HTR4: variants seen among roughly 807,000 people sequenced by gnomAD.
HTR4 encodes the protein 5-hydroxytryptamine receptor 4.
In HTR4, 16 loss-of-function variants were observed where a neutral mutation model predicts 36.8. The observed-to-expected ratio is 0.43, with a 90% CI of 0.29 to 0.66. HTR4 has a LOEUF of 0.66. Ranked by LOEUF, HTR4 falls within the 30% of genes least tolerant of loss-of-function variation. The pLI, the probability that HTR4 is intolerant of heterozygous loss-of-function variation, is 0.13. For synonymous variants in HTR4, 189 were observed against 185.1 expected (o/e 1.02, Z -0.17); for missense variants, 438 against 490.9 (o/e 0.89, Z 1.02).
intron 6 of HTR4, among the ~76,000 whole-genome samples, chr5:148,497,489 T>C (rs1756739554): frequency 6.6e-6 from 1 of 152,226 alleles, no homozygotes; most frequent in African/African-American, 2.4e-5. Context: ...TTCTGTTCTT[T>C]GGATTTTGTA....
chr5:148,461,152 T>C (rs1312369762), intron 5 of HTR4, among the ~76,000 whole-genome samples: 1 of 151,462 alleles, frequency 6.6e-6, no homozygotes, highest in Non-Finnish European at 1.5e-5. Context: ...AGATAGAAAA[T>C]AGAATAATAT....
intron 2 of HTR4, among the ~76,000 whole-genome samples, chr5:148,566,230 G>A (rs908857170): frequency 3.3e-5 from 5 of 152,098 alleles, no homozygotes; most frequent in Non-Finnish European, 7.4e-5. Context: ...TTAAAAGCAG[G>A]TATAAAACAG....
chr5:148,608,587 T>C (rs1752279474), intron 2 of HTR4, among the ~76,000 whole-genome samples: 1 of 152,126 alleles, frequency 6.6e-6, no homozygotes, highest in African/African-American at 2.4e-5. Context: ...TTAACAGCCA[T>C]GTTAAAAAGT....
chr5:148,633,785 C>T (rs1753419338), intron 2 of HTR4, among the ~76,000 whole-genome samples: 1 of 152,100 alleles, frequency 6.6e-6, no homozygotes, highest in South Asian at 2.1e-4. Flanking sequence ...AGGCAATCTA[C>T]TGACAATTTC....
chr5:148,549,338 T>C (rs1472490315), intron 3 of HTR4, among the ~76,000 whole-genome samples: 1 of 152,208 alleles, frequency 6.6e-6, no homozygotes, highest in East Asian at 1.9e-4. Flanking sequence ...ACTAGCAGAC[T>C]GGCTACTGTG....
Position 148,468,061 on chromosome 5 carries a change from CT to C in HTR4, c.1077-16790del, listed in dbSNP as rs548539053. ...TGTTTGGTACAGGTAGGGCCTTAGCCTGTCAGCCTGGGATAGAGCTGAGGTA... is the reference window on the plus strand; with the variant it reads ...TGTTTGGTACAGGTAGGGCCTTAGCCGTCAGCCTGGGATAGAGCTGAGGTA... On this transcript the variant is annotated intron_variant, in intron 5 of 5. Transcript: ENST00000521530. 5.3e-5 allele frequency among the ~76,000 whole-genome samples: 8 copies of C among 152,308 alleles called. No individual in the cohort carries two copies. The South Asian group carries it at 1.7e-3, about 32-fold the overall frequency.
At chr5:148,536,896 C>A (rs1758849954) in intron 4 of HTR4, among the ~76,000 whole-genome samples, 1 of 152,162 alleles carries the variant, frequency 6.6e-6, no homozygotes, top group South Asian at 2.1e-4. Flanking sequence ...ACCTGATAGA[C>A]TTCTACAGAA....
downstream of HTR4, among the ~76,000 whole-genome samples, chr5:148,473,257 G>A (rs188278800): frequency 3.9e-4 from 58 of 149,004 alleles, no homozygotes; most frequent in African/African-American, 1.2e-3. Flanking sequence ...AGCCGAGATC[G>A]CGCCACTGCA....
At chr5:148,501,216 A>G (rs919487255) in intron 6 of HTR4, among the ~76,000 whole-genome samples, 1 of 152,192 alleles carries the variant, frequency 6.6e-6, no homozygotes, top group African/African-American at 2.4e-5. Context: ...AAGATCTTCA[A>G]AATGTATTGT....
intron 5 of HTR4, among the ~76,000 whole-genome samples, chr5:148,468,740 T>TC (rs1755495841): frequency 6.6e-6 from 1 of 152,088 alleles, no homozygotes; most frequent in African/African-American, 2.4e-5. Flanking sequence ...GCTGGCTGTG[T>TC]CCCCTCCCAA....
intron 1 of HTR4, among the ~76,000 whole-genome samples, chr5:148,648,224 G>A (rs1236688462): frequency 6.6e-6 from 1 of 152,174 alleles, no homozygotes; most frequent in Non-Finnish European, 1.5e-5. Context: ...AGTTAAATGA[G>A]ACACAGAGCT....
intron 2 of HTR4, among the ~76,000 whole-genome samples, chr5:148,584,091 C>T (rs1004709818): frequency 6.6e-6 from 1 of 152,206 alleles, no homozygotes; most frequent in Admixed American, 6.5e-5. Context: ...CTCAAAAGCT[C>T]TCTCAATTCT....
chr5:148,653,473 A>G (rs1322357762), intron 1 of HTR4, among the ~76,000 whole-genome samples: 2 of 152,194 alleles, frequency 1.3e-5, no homozygotes, highest in Non-Finnish European at 2.9e-5. Context: ...GTGAAAGGCA[A>G]CTGCAGGATG....
chr5:148,570,675 T>C (rs978988041), intron 2 of HTR4, among the ~76,000 whole-genome samples: 2 of 151,510 alleles, frequency 1.3e-5, no homozygotes, highest in African/African-American at 4.9e-5. Flanking sequence ...CAGGAGGGGG[T>C]TGGAAGTTGT....
intron 2 of HTR4, among the ~76,000 whole-genome samples, chr5:148,626,776 A>AT (rs1251359027): frequency 1.3e-5 from 2 of 152,220 alleles, no homozygotes; most frequent in African/African-American, 4.8e-5. Context: ...GGTGGTCTAG[A>AT]AATTGGGAGT....
chr5:148,647,581 G>T (rs940387143), intron 1 of HTR4, among the ~76,000 whole-genome samples: 12 of 152,286 alleles, frequency 7.9e-5, no homozygotes, highest in Non-Finnish European at 1.5e-4. Flanking sequence ...GGGGGTGGTG[G>T]CTCACGCCTG....
At chr5:148,558,015 T>G (rs1760031883) in intron 2 of HTR4, among the ~76,000 whole-genome samples, 1 of 151,978 alleles carries the variant, frequency 6.6e-6, no homozygotes. Flanking sequence ...AGGAGTGTCA[T>G]GTACACAAGA....
At chr5:148,643,195 A>G (rs962584104) in intron 1 of HTR4, among the ~76,000 whole-genome samples, 3 of 152,312 alleles carry the variant, frequency 2.0e-5, no homozygotes, top group African/African-American at 7.2e-5. Context: ...AAAAGTAAAT[A>G]CACTTTTCTC....
intron 5 of HTR4, among the ~76,000 whole-genome samples, chr5:148,520,461 C>G (rs1269180933): frequency 6.6e-6 from 1 of 152,116 alleles, no homozygotes; most frequent in African/African-American, 2.4e-5. Flanking sequence ...GCATACACTT[C>G]CAAAGATCTT....
Sources: gnomAD v4.1 joint callset for allele counts (sites outside exome capture counted in the v4.1 genomes callset) on GRCh38, gnomAD v4.1.1 for gene constraint, MANE v1.5 for transcripts, NCBI Gene and HGNC (gene_info 2026-07-23, HGNC 2026-07-21) for gene names.